The following STXBP5L variants were observed in gnomAD, a reference collection of about 807,000 sequenced individuals.
STXBP5L encodes syntaxin-binding protein 5-like.
In STXBP5L, 65 loss-of-function variants were observed where a neutral mutation model predicts 144.5. That is an observed-to-expected ratio of 0.45 (90% confidence interval 0.37 to 0.55). STXBP5L has a LOEUF of 0.55. STXBP5L is among the 20% of genes least tolerant of loss of function. STXBP5L has a pLI of 0.00. For synonymous variants in STXBP5L, 505 were observed against 469.6 expected, an observed-to-expected ratio of 1.08 and a Z score of -0.97; for missense variants, 1,298 against 1,405.5, an observed-to-expected ratio of 0.92 and a Z score of 1.22.
At chr3:121,006,431 T>C (rs1447087794) in intron 3 of STXBP5L, among the ~76,000 whole-genome samples, 1 of 152,176 alleles carries the variant, frequency 6.6e-6, no homozygotes, top group Non-Finnish European at 1.5e-5. Flanking sequence ...CCCTTTATTT[T>C]GAGCCTATGT....
intron 10 of STXBP5L, among the ~76,000 whole-genome samples, chr3:121,215,479 T>C (rs542044761): frequency 6.6e-6 from 1 of 152,206 alleles, no homozygotes; most frequent in Non-Finnish European, 1.5e-5. Flanking sequence ...TTTGGCTGGA[T>C]ATGAAATTCT....
intron 22 of STXBP5L, among the ~76,000 whole-genome samples, chr3:121,387,871 T>A (rs1222592514): frequency 6.6e-6 from 1 of 152,142 alleles, no homozygotes; most frequent in Non-Finnish European, 1.5e-5. Flanking sequence ...CTTAGGATTG[T>A]CTTGGCGATG....
In STXBP5L at chr3:121,415,877, T is replaced by A; in HGVS notation, c.3135T>A (p.Phe1045Leu). ...DNLQDMLGDL[F>L]TPIETPEAQN... ...TGCAGGACATGCTAGGAGATTTGTTTACTCCCATAGAGACACCAGAAGCTC... is the reference window on the plus strand; with the variant it reads ...TGCAGGACATGCTAGGAGATTTGTTAACTCCCATAGAGACACCAGAAGCTC... Residue 1045 changes from phenylalanine (F) to leucine (L), a missense_variant, in exon 25 of 27, where the codon TTT becomes TTA. Physicochemically the swap from Phe to Leu is conservative, Grantham distance 22 (BLOSUM62 0). Coordinates refer to ENST00000471454, the MANE Select transcript of STXBP5L (RefSeq NM_001308330.2). 1 of 1,607,404 alleles carries A rather than the reference T, an allele frequency of 6.2e-7. No individual in the cohort carries two copies. The highest frequency in any genetic ancestry group is 8.5e-7 in the Non-Finnish European group (1 of 1,176,378).
At position 121,078,345 on chromosome 3, in the gene STXBP5L, G is replaced by A. The variant is rs576016657; in HGVS notation, c.470+32810G>A. ...ACAAACCCTGAGCTAGACACAGGGT[G>A]CTGATTGGTGTGTTTACAAACCTTG... On this transcript the variant is annotated intron_variant, in intron 5 of 26. Coordinates refer to ENST00000471454, the MANE Select transcript of STXBP5L (RefSeq NM_001308330.2). Among the ~76,000 whole-genome samples, 6 of 152,266 alleles carry A rather than the reference G, an allele frequency of 3.9e-5. No homozygotes were observed. The South Asian group carries it at 1.2e-3, about 32-fold the overall frequency.
chr3:120,973,694 TC>T (rs910156254), intron 3 of STXBP5L, among the ~76,000 whole-genome samples: 9 of 138,136 alleles, frequency 6.5e-5, no homozygotes, highest in Admixed American at 4.4e-4. Flanking sequence ...CCCTCCCCCA[TC>T]CCCCCACCCC....
At chr3:121,411,786 G>A (rs1314358032) in intron 23 of STXBP5L, among the ~76,000 whole-genome samples, 1 of 152,074 alleles carries the variant, frequency 6.6e-6, no homozygotes, top group Non-Finnish European at 1.5e-5. Context: ...GGAATGGGGA[G>A]CAAAACCACT....
intron 20 of STXBP5L, among the ~76,000 whole-genome samples, chr3:121,343,169 C>A (rs1346875937): frequency 6.6e-6 from 1 of 151,946 alleles, no homozygotes; most frequent in Non-Finnish European, 1.5e-5. Flanking sequence ...CTGTTCATGT[C>A]CTTCACCCAC....
At chr3:120,990,182 A>G (rs2107951850) in intron 3 of STXBP5L, among the ~76,000 whole-genome samples, 1 of 152,316 alleles carries the variant, frequency 6.6e-6, no homozygotes, top group Non-Finnish European at 1.5e-5. Flanking sequence ...ACAGAGAGCC[A>G]AATCATGAGT....
At chr3:120,946,197 G>C (rs1012199052) in intron 2 of STXBP5L, among the ~76,000 whole-genome samples, 2 of 151,704 alleles carry the variant, frequency 1.3e-5, no homozygotes, top group African/African-American at 4.8e-5. Flanking sequence ...AATAACTGTG[G>C]CTTAAACAAT....
At chr3:121,018,584 C>G (rs1378520484) in intron 3 of STXBP5L, among the ~76,000 whole-genome samples, 1 of 145,874 alleles carries the variant, frequency 6.9e-6, no homozygotes, top group African/African-American at 2.5e-5. Flanking sequence ...AAAATCAACC[C>G]AAAATGGATC....
intron 22 of STXBP5L, among the ~76,000 whole-genome samples, chr3:121,384,910 ATTTTAAG>A (rs2046393473): frequency 6.6e-6 from 1 of 152,028 alleles, no homozygotes; most frequent in Non-Finnish European, 1.5e-5. Flanking sequence ...GTTAAAACTC[ATTTTAAG>A]TTTTATTTAT....
At chr3:121,365,309 T>C (rs1198270833) in intron 20 of STXBP5L, among the ~76,000 whole-genome samples, 2 of 151,908 alleles carry the variant, frequency 1.3e-5, no homozygotes, top group African/African-American at 4.8e-5. Flanking sequence ...CCTCTTCAAT[T>C]TTTGAAAAAG....
intron 3 of STXBP5L, among the ~76,000 whole-genome samples, chr3:120,995,250 C>A (rs151327001): frequency 6.6e-6 from 1 of 152,086 alleles, no homozygotes; most frequent in Non-Finnish European, 1.5e-5. Flanking sequence ...TAGGCTCAAG[C>A]GATCCTTTCA....
intron 19 of STXBP5L, among the ~76,000 whole-genome samples, chr3:121,315,932 G>A (rs939692239): frequency 6.6e-6 from 1 of 151,868 alleles, no homozygotes; most frequent in Non-Finnish European, 1.5e-5. Context: ...AGACCCAGGA[G>A]GCGGAGGTTG....
intron 5 of STXBP5L, among the ~76,000 whole-genome samples, chr3:121,054,860 A>T (rs1948334905): frequency 6.6e-6 from 1 of 151,934 alleles, no homozygotes; most frequent in African/African-American, 2.4e-5. Context: ...TTTTTCTTCT[A>T]ATACTTTGAA....
chr3:121,143,119 G>A (rs1222169785), intron 7 of STXBP5L, among the ~76,000 whole-genome samples: 1 of 151,728 alleles, frequency 6.6e-6, no homozygotes, highest in Admixed American at 6.6e-5. Context: ...GAAGGATTGA[G>A]TAAATTCTTA....
intron 3 of STXBP5L, among the ~76,000 whole-genome samples, chr3:120,986,296 T>G (rs572533341): frequency 2.0e-5 from 3 of 152,132 alleles, no homozygotes; most frequent in African/African-American, 7.2e-5. Context: ...GACTTAATTA[T>G]TGGCCTAACG....
intron 22 of STXBP5L, among the ~76,000 whole-genome samples, chr3:121,392,045 T>A (rs186067128): frequency 6.6e-6 from 1 of 152,320 alleles, no homozygotes; most frequent in Admixed American, 6.5e-5. Context: ...CTTGTTGAGC[T>A]GTGGTGGGCT....
intron 3 of STXBP5L, 88 bp downstream of exon 3, chr3:120,955,125 A>G: frequency 1.1e-6 from 1 of 926,252 alleles, no homozygotes; most frequent in Admixed American, 2.8e-5. Context: ...TTTATGACCA[A>G]ATAAAGTTTA....
Sources: allele counts gnomAD v4.1 joint callset (sites outside exome capture counted in the v4.1 genomes callset), GRCh38; gene constraint gnomAD v4.1.1; transcripts MANE v1.5; gene names NCBI Gene and HGNC (gene_info 2026-07-23, HGNC 2026-07-21).